The following TAB2 variants were observed in gnomAD, a reference collection of about 807,000 sequenced individuals.
TAB2 encodes TGF-beta activated kinase 1 (MAP3K7) binding protein 2.
A neutral mutation model predicts 65.0 loss-of-function variants in TAB2; 3 were observed. The observed-to-expected ratio is 0.05, with a 90% CI of 0.02 to 0.12. The LOEUF (loss-of-function observed/expected upper bound fraction) is 0.12. TAB2 is among the 10% of genes least tolerant of loss of function. The pLI, the probability that TAB2 is intolerant of heterozygous loss-of-function variation, is 1.00. For missense variants in TAB2, 623 were observed against 840.3 expected, an observed-to-expected ratio of 0.74 and a Z score of 3.20; for synonymous variants, 298 against 285.1, an observed-to-expected ratio of 1.05 and a Z score of -0.46.
At chr6:149,322,589 A>G (rs984011686) in intron 1 of TAB2, among the ~76,000 whole-genome samples, 5 of 152,100 alleles carry the variant, frequency 3.3e-5, no homozygotes, top group Admixed American at 1.3e-4. Flanking sequence ...AAAATTCGTT[A>G]GCTTCTCTGA....
intron 1 of TAB2, among the ~76,000 whole-genome samples, chr6:149,288,128 T>C (rs908658369): frequency 1.3e-5 from 2 of 152,202 alleles, no homozygotes; most frequent in Non-Finnish European, 2.9e-5. Context: ...TGGACTATCT[T>C]CTAAATGCTC....
upstream of TAB2, among the ~76,000 whole-genome samples, chr6:149,316,965 C>T (rs560936148): frequency 1.3e-5 from 2 of 151,734 alleles, 1 homozygote; most frequent in South Asian, 4.1e-4. Flanking sequence ...GGGGGTGTGT[C>T]CCGGACCGCA....
chr6:149,267,787 T>C (rs1778290873), intron 1 of TAB2, among the ~76,000 whole-genome samples: 1 of 152,224 alleles, frequency 6.6e-6, no homozygotes, highest in Non-Finnish European at 1.5e-5. Flanking sequence ...AGCATATTAC[T>C]GTACTGAATA....
intron 1 of TAB2, chr6:149,244,498 A>G (rs1265070666): frequency 7.9e-5 from 12 of 152,412 alleles, no homozygotes; most frequent in Admixed American, 7.9e-4. Context: ...TGTATCCCGG[A>G]TAGAGGTGAT....
At position 149,309,897 on chromosome 6, in the gene TAB2, T is replaced by G. The variant is rs538809036; in HGVS notation, c.-120-68121T>G. ...GTGTGGGTGTGGGTGTGTGTGTGTG[T>G]GTGTGATTTTTCCTTTCTTTACAGC... On this transcript the variant is annotated intron_variant, in intron 1 of 1. Transcript: ENST00000606202. 2.7e-3 allele frequency among the ~76,000 whole-genome samples: 405 copies of G among 151,934 alleles called. 1 individual carries two copies. The highest frequency in any genetic ancestry group is 9.2e-3 in the African/African-American group (379 of 41,412).
chr6:149,341,273 C>G (rs1257923358), intron 1 of TAB2, among the ~76,000 whole-genome samples: 8 of 152,096 alleles, frequency 5.3e-5, no homozygotes, highest in Non-Finnish European at 1.2e-4. Context: ...ATTGACCTCT[C>G]TCATATACTC....
intron 1 of TAB2, among the ~76,000 whole-genome samples, chr6:149,355,491 C>A (rs1057420098): frequency 2.6e-5 from 4 of 151,696 alleles, no homozygotes; most frequent in African/African-American, 9.7e-5. Flanking sequence ...CGTGGAGAAA[C>A]CCCCGTCTCT....
chr6:149,388,262 G>C (rs1781866324), intron 3 of TAB2, among the ~76,000 whole-genome samples: 1 of 152,192 alleles, frequency 6.6e-6, no homozygotes. Context: ...AGGAAACATA[G>C]TGGGTGAGCA....
chr6:149,316,528 C>A (rs920235545), upstream of TAB2, among the ~76,000 whole-genome samples: 5 of 152,138 alleles, frequency 3.3e-5, no homozygotes, highest in Admixed American at 2.0e-4. Flanking sequence ...ACATTTTGGA[C>A]AGGGGCAGAA....
At chr6:149,381,250 G>A (rs1018743615) in intron 3 of TAB2, among the ~76,000 whole-genome samples, 1 of 152,126 alleles carries the variant, frequency 6.6e-6, no homozygotes, top group Non-Finnish European at 1.5e-5. Flanking sequence ...ATATATCTGT[G>A]ATTAACTACA....
At chr6:149,219,394 G>C (rs1482585699) in intron 1 of TAB2, among the ~76,000 whole-genome samples, 1 of 151,848 alleles carries the variant, frequency 6.6e-6, no homozygotes, top group Non-Finnish European at 1.5e-5. Context: ...ACTAACAACT[G>C]TATGTGTTAT....
chr6:149,306,590 A>G (rs139704264), intron 1 of TAB2, among the ~76,000 whole-genome samples: 11 of 151,398 alleles, frequency 7.3e-5, no homozygotes, highest in Non-Finnish European at 1.5e-4. Flanking sequence ...ACAAAAAAAA[A>G]CACACACACA....
At chr6:149,259,576 C>A (rs1227176520) in intron 1 of TAB2, among the ~76,000 whole-genome samples, 1 of 152,210 alleles carries the variant, frequency 6.6e-6, no homozygotes, top group Non-Finnish European at 1.5e-5. Context: ...TTGGTCAGAA[C>A]TGGCATTTAG....
At chr6:149,223,690 T>TA (rs941706496) in intron 1 of TAB2, among the ~76,000 whole-genome samples, 6 of 152,142 alleles carry the variant, frequency 3.9e-5, no homozygotes, top group Non-Finnish European at 8.8e-5. Flanking sequence ...GCTGCTTATG[T>TA]AAAAAAATGT....
At chr6:149,328,113 T>C (rs1357236947) in intron 1 of TAB2, among the ~76,000 whole-genome samples, 1 of 152,206 alleles carries the variant, frequency 6.6e-6, no homozygotes, top group African/African-American at 2.4e-5. Context: ...ATTGAAGTGG[T>C]CATCTTAACC....
chr6:149,261,372 C>T (rs1778148805), intron 1 of TAB2, among the ~76,000 whole-genome samples: 1 of 152,086 alleles, frequency 6.6e-6, no homozygotes, highest in African/African-American at 2.4e-5. Context: ...ATAAAATATG[C>T]ATTTACTGGT....
At chr6:149,258,391 G>A (rs957252966) in intron 1 of TAB2, among the ~76,000 whole-genome samples, 3 of 150,524 alleles carry the variant, frequency 2.0e-5, no homozygotes, top group African/African-American at 4.9e-5. Context: ...ATGCCAGAGT[G>A]AGCCCCCTCC....
At chr6:149,399,887 AAC>A (rs1385682518) in intron 6 of TAB2, among the ~76,000 whole-genome samples, 12 of 152,240 alleles carry the variant, frequency 7.9e-5, no homozygotes, top group Non-Finnish European at 1.5e-4. Flanking sequence ...AAACTGCAAG[AAC>A]ACAAAAGTGT....
At chr6:149,277,674 A>G (rs748177799) in intron 1 of TAB2, among the ~76,000 whole-genome samples, 1 of 152,172 alleles carries the variant, frequency 6.6e-6, no homozygotes, top group Non-Finnish European at 1.5e-5. Flanking sequence ...TATTCAAAAA[A>G]TCAAATACAT....
Sources: gnomAD v4.1 joint callset for allele counts (sites outside exome capture counted in the v4.1 genomes callset) on GRCh38, gnomAD v4.1.1 for gene constraint, MANE v1.5 for transcripts, NCBI Gene and HGNC (gene_info 2026-07-23, HGNC 2026-07-21) for gene names.